GMDS: variants seen among roughly 807,000 people sequenced by gnomAD.
The protein encoded by GMDS is GDP-mannose 4,6 dehydratase.
GMDS carries 20 observed loss-of-function variants against 49.9 expected under a neutral mutation model. That is an observed-to-expected ratio of 0.40 (90% CI 0.28 to 0.58). The LOEUF is 0.58. Among genes scored for constraint, GMDS ranks in the 20% least tolerant of loss-of-function variants. GMDS has a pLI of 0.42. For synonymous variants in GMDS, 177 were observed against 178.6 expected (o/e 0.99, Z 0.07); for missense variants, 362 against 481.4 (o/e 0.75, Z 2.32).
chr6:1,709,962 T>C (rs1345645185), intron 9 of GMDS, among the ~76,000 whole-genome samples: 1 of 152,214 alleles, frequency 6.6e-6, no homozygotes, highest in African/African-American at 2.4e-5. Context: ...AACTGCAGAA[T>C]TATTTCTGGA....
chr6:1,823,698 C>T (rs1051068137), intron 7 of GMDS, among the ~76,000 whole-genome samples: 2 of 152,068 alleles, frequency 1.3e-5, no homozygotes, highest in Non-Finnish European at 2.9e-5. Flanking sequence ...ATATATATGG[C>T]TTCAAATATC....
At chr6:2,087,242 C>T (rs1044661704) in intron 4 of GMDS, among the ~76,000 whole-genome samples, 3 of 152,196 alleles carry the variant, frequency 2.0e-5, no homozygotes, top group African/African-American at 7.2e-5. Context: ...ATTAGATGGA[C>T]ACTTAGTAAA....
intron 1 of GMDS, among the ~76,000 whole-genome samples, chr6:2,173,945 G>A (rs967419920): frequency 3.9e-5 from 6 of 152,168 alleles, no homozygotes; most frequent in Non-Finnish European, 8.8e-5. Context: ...AGCAAACTGA[G>A]GTCCAGAATG....
At chr6:1,988,823 T>C (rs542698999) in intron 4 of GMDS, among the ~76,000 whole-genome samples, 1 of 145,062 alleles carries the variant, frequency 6.9e-6, no homozygotes, top group Admixed American at 6.9e-5. Flanking sequence ...GAGAGATGAA[T>C]AGGATATAGA....
At chr6:2,060,582 G>A (rs1445633081) in intron 4 of GMDS, among the ~76,000 whole-genome samples, 1 of 152,158 alleles carries the variant, frequency 6.6e-6, no homozygotes, top group Non-Finnish European at 1.5e-5. Context: ...ATACTTTAGT[G>A]TGGGAAGAAT....
intron 7 of GMDS, among the ~76,000 whole-genome samples, chr6:1,908,185 T>A (rs1309464374): frequency 6.6e-6 from 1 of 152,170 alleles, no homozygotes; most frequent in African/African-American, 2.4e-5. Context: ...AAAGGAATGG[T>A]TCACGTCCGG....
At chr6:2,123,540 T>G (rs973718793) in intron 2 of GMDS, among the ~76,000 whole-genome samples, 1 of 152,216 alleles carries the variant, frequency 6.6e-6, no homozygotes, top group Non-Finnish European at 1.5e-5. Flanking sequence ...AAGCTATTCC[T>G]TTTAACAGAT....
intron 7 of GMDS, among the ~76,000 whole-genome samples, chr6:1,928,739 C>T (rs1047260079): frequency 1.3e-5 from 2 of 152,066 alleles, no homozygotes; most frequent in Admixed American, 6.5e-5. Flanking sequence ...GAGGCTAAGG[C>T]GGGTGGATCA....
At chr6:2,232,898 T>C (rs1216857441) in intron 1 of GMDS, among the ~76,000 whole-genome samples, 1 of 152,084 alleles carries the variant, frequency 6.6e-6, no homozygotes, top group East Asian at 1.9e-4. Flanking sequence ...AGAAGCCCAT[T>C]TCCCCACCAT....
At position 1,923,287 on chromosome 6, in the gene GMDS, G is replaced by A. The variant is rs190146462; in HGVS notation, c.771+6816C>T. On this transcript the variant is annotated intron_variant, in intron 7 of 10. Transcript: ENST00000380815. The stretch of plus-strand genomic sequence containing the variant: ...CAAGAGCTCAGGACCCACTGAGTGC[G>A]GGTACCCAAAAAAAGCTGTCACACT... Among the ~76,000 whole-genome samples, 762 of 152,246 alleles carry A rather than the reference G, an allele frequency of 5.0e-3. 7 individuals carry two copies. Among genetic ancestry groups the A allele is most frequent in the African/African-American group, 0.018 (730 of 41,550 alleles).
chr6:1,709,068 A>G (rs1218992046), intron 9 of GMDS, among the ~76,000 whole-genome samples: 1 of 152,212 alleles, frequency 6.6e-6, no homozygotes, highest in Non-Finnish European at 1.5e-5. Flanking sequence ...CTCCACAGGT[A>G]GGCATGACAG....
chr6:1,704,889 G>A (rs916016935), intron 9 of GMDS, among the ~76,000 whole-genome samples: 3 of 152,120 alleles, frequency 2.0e-5, no homozygotes, highest in Admixed American at 1.3e-4. Context: ...GAGGGTTCAA[G>A]TACATACTTG....
intron 7 of GMDS, among the ~76,000 whole-genome samples, chr6:1,894,102 T>A (rs896732961): frequency 1.2e-4 from 19 of 152,184 alleles, no homozygotes; most frequent in African/African-American, 4.6e-4. Context: ...GACACAAAAA[T>A]AAACATGTCT....
At chr6:1,894,612 G>A (rs1373001700) in intron 7 of GMDS, among the ~76,000 whole-genome samples, 2 of 152,194 alleles carry the variant, frequency 1.3e-5, no homozygotes, top group Non-Finnish European at 2.9e-5. Flanking sequence ...AGAGTGAGAT[G>A]TTATACCTAT....
intron 9 of GMDS, among the ~76,000 whole-genome samples, chr6:1,634,808 T>A (rs1293996950): frequency 6.6e-6 from 1 of 151,752 alleles, no homozygotes; most frequent in Non-Finnish European, 1.5e-5. Context: ...GATGGTGGCC[T>A]GGACACGAGG....
At chr6:1,682,377 T>C (rs1226671339) in intron 9 of GMDS, among the ~76,000 whole-genome samples, 1 of 152,202 alleles carries the variant, frequency 6.6e-6, no homozygotes, top group Non-Finnish European at 1.5e-5. Flanking sequence ...CCTCCACTGC[T>C]ACCAAGCTCA....
Position 2,117,467 on chromosome 6 carries a change from ACTTC to A in GMDS, c.233_235+1del. On this transcript the variant is annotated splice_donor_variant and coding_sequence_variant, in exon 3 of 11. Transcript: ENST00000380815. LOFTEE classifies it high-confidence loss of function. ...AGATTCTAGAAAAAGAAAATGACTT[ACTTC>A]CTTCAATGTGAGCCTGGGGATTCTT... 1 of 1,515,664 alleles carries A rather than the reference ACTTC, an allele frequency of 6.6e-7. No homozygotes were observed. Among genetic ancestry groups the A allele is most frequent in the South Asian group, 1.1e-5 (1 of 89,112 alleles). 93.9% of individuals were successfully genotyped at this position (1,515,664 alleles called of 1,614,324 possible).
At chr6:1,668,602 T>A (rs1017198505) in intron 9 of GMDS, among the ~76,000 whole-genome samples, 1 of 151,958 alleles carries the variant, frequency 6.6e-6, no homozygotes, top group African/African-American at 2.4e-5. Context: ...CCCAGCTACT[T>A]GGGAGGCTGA....
intron 4 of GMDS, among the ~76,000 whole-genome samples, chr6:2,065,858 T>C (rs1318192918): frequency 6.6e-6 from 1 of 152,166 alleles, no homozygotes; most frequent in Non-Finnish European, 1.5e-5. Context: ...CAGGATATTA[T>C]CCAGAAGAAC....
Sources: allele counts gnomAD v4.1 joint callset (sites outside exome capture counted in the v4.1 genomes callset), GRCh38; gene constraint gnomAD v4.1.1; transcripts MANE v1.5; gene names NCBI Gene and HGNC (gene_info 2026-07-23, HGNC 2026-07-21).